The following BRF1 variants were observed in gnomAD, a reference collection of about 807,000 sequenced individuals.
BRF1 encodes the protein BRF1 general transcription factor IIIB subunit.
BRF1 carries 59 observed loss-of-function variants against 81.7 expected under a neutral mutation model. The ratio of observed to expected loss-of-function variants is 0.72; its 90% confidence interval spans 0.59 to 0.90. The LOEUF is 0.90. Among genes scored for constraint, BRF1 ranks in the 40% least tolerant of loss-of-function variants. BRF1 has a pLI of 0.00. For missense variants in BRF1, 1,050 were observed against 936.3 expected, an observed-to-expected ratio of 1.12 and a Z score of -1.58; for synonymous variants, 491 against 395.6, an observed-to-expected ratio of 1.24 and a Z score of -2.86.
Position 105,241,331 on chromosome 14 carries a change from G to A in BRF1, c.628C>T (p.Leu210Phe), listed in dbSNP as rs1198030611. 3 of 1,612,762 alleles carry A rather than the reference G, an allele frequency of 1.9e-6. No individual in the cohort carries two copies. The highest frequency in any genetic ancestry group is 1.7e-6 in the Non-Finnish European group (2 of 1,179,942). The change falls in exon 6 of 18, where the codon CTC becomes TTC. Residue 210 changes from leucine (L) to phenylalanine (F), a missense_variant. Leu to Phe is a conservative substitution (Grantham distance 22). Around this residue, in one of 2 missense-constraint regions of BRF1, gnomAD observed 1,043 missense variants for 915.4 expected, o/e 1.14. Transcript: ENST00000547530. The stretch of plus-strand genomic sequence containing the variant: ...CAGTCCCGCTTCATCCTCTGTAGGA[G>A]CCTCAGGGCAGTCATGGACACCTCG... Reference protein sequence around the residue: ...NHEVSMTALRLLQRMKRDWMH... With the variant: ...NHEVSMTALRFLQRMKRDWMH...
chr14:105,265,608 G>A (rs1305447150), intron 3 of BRF1, among the ~76,000 whole-genome samples: 3 of 152,002 alleles, frequency 2.0e-5, no homozygotes, highest in Non-Finnish European at 4.4e-5. Flanking sequence ...AAAATTAGCT[G>A]GGCATGGGCC....
At chr14:105,258,902 C>A (rs1254649499) in intron 3 of BRF1, among the ~76,000 whole-genome samples, 1 of 152,098 alleles carries the variant, frequency 6.6e-6, no homozygotes, top group Non-Finnish European at 1.5e-5. Context: ...AAATAGCCAA[C>A]AAGCACATGA....
At position 105,315,066 on chromosome 14, in the gene BRF1, C is replaced by A; in HGVS notation, c.-162+256G>T. 8.8e-7 allele frequency: 1 copy of A among 1,134,000 alleles called. No individual in the cohort carries two copies. Among genetic ancestry groups the A allele is most frequent in the Non-Finnish European group, 1.1e-6 (1 of 917,682 alleles). The allele number at this position is 1,134,000 out of a possible 1,614,324, so 70.2% of individuals were successfully genotyped here. A position where few individuals can be genotyped will look rare whatever the true frequency, so the allele number is the denominator to read the frequency against. On this transcript the variant is annotated intron_variant, in intron 1 of 17. Transcript: ENST00000327359. This position sits in a 1 kb window ranked among gnomAD's most constrained non-coding sequence, Gnocchi z 4.4. Reference sequence around the variant, plus strand: ...CGCGCCGCCCGCCGCGCTTTGTTCCCGCCGGGCACCTGCTGGGGGTGTCCT... The same window carrying A: ...CGCGCCGCCCGCCGCGCTTTGTTCCAGCCGGGCACCTGCTGGGGGTGTCCT...
At chr14:105,248,556 G>GGCGGGTACGGGCTCGGGCGGGCGGGT in intron 5 of BRF1, 1 of 827,456 alleles carries the variant, frequency 1.2e-6, no homozygotes, top group African/African-American at 2.1e-5. Context: ...CCGGCGCCGC[G>GGCGGGTACGGGCTCGGGCGGGCGGGT]GCGGGTACGG....
At chr14:105,224,180 C>G (rs1360891184) in intron 10 of BRF1, among the ~76,000 whole-genome samples, 2 of 152,196 alleles carry the variant, frequency 1.3e-5, no homozygotes, top group South Asian at 2.1e-4. Context: ...ATCAGCCTGG[C>G]CAACGTGGCG....
At chr14:105,281,581 T>C (rs587757144) in intron 2 of BRF1, among the ~76,000 whole-genome samples, 2 of 152,202 alleles carry the variant, frequency 1.3e-5, no homozygotes, top group Admixed American at 6.5e-5. Flanking sequence ...TGCGTGATCC[T>C]GATGAGTCGA....
chr14:105,279,283 GGGA>G (rs1191939970), intron 2 of BRF1, among the ~76,000 whole-genome samples: 1 of 152,134 alleles, frequency 6.6e-6, no homozygotes, highest in East Asian at 1.9e-4. Context: ...CTACAGACGT[GGGA>G]GGAGGATTCG....
At chr14:105,303,337 G>A (rs937572851), upstream of BRF1, among the ~76,000 whole-genome samples, 1 of 151,952 alleles carries the variant, frequency 6.6e-6, no homozygotes, top group African/African-American at 2.4e-5. Flanking sequence ...TCCACCTCCC[G>A]GGTTCATGCC....
At chr14:105,266,242 T>C (rs1279168675) in intron 3 of BRF1, among the ~76,000 whole-genome samples, 1 of 151,786 alleles carries the variant, frequency 6.6e-6, no homozygotes, top group Non-Finnish European at 1.5e-5. Context: ...ACCCAGGAGT[T>C]TGAGGCCAGC....
intron 10 of BRF1, among the ~76,000 whole-genome samples, chr14:105,225,200 C>T (rs1251748000): frequency 1.3e-5 from 2 of 152,210 alleles, no homozygotes; most frequent in Non-Finnish European, 2.9e-5. Context: ...GCCTCCCTAC[C>T]TCCTGCCTCT....
intron 10 of BRF1, chr14:105,222,222 A>T: frequency 3.2e-6 from 1 of 315,388 alleles, no homozygotes; most frequent in Non-Finnish European, 5.8e-6. Context: ...CAGAATCCAT[A>T]AAACACTGAT....
At chr14:105,252,442 A>G in intron 5 of BRF1, 65 bp downstream of exon 5, 2 of 1,577,934 alleles carry the variant, frequency 1.3e-6, no homozygotes, top group African/African-American at 1.4e-5. Context: ...TGTTCAAAGG[A>G]CATTTGGCAC....
chr14:105,210,383 C>A lies in BRF1; in HGVS notation c.*168G>T, dbSNP rs1419922860. ...CGGTTTCCCTTGCTGAATAGAAACA[C>A]AATCCCAATGGTAAGTTCCACATGG... On this transcript the variant is annotated 3_prime_UTR_variant, in exon 18 of 18. Coordinates refer to ENST00000547530, the MANE Select transcript of BRF1 (RefSeq NM_001519.4). The surrounding 1 kb of genome is among the most constrained non-coding windows in gnomAD (Gnocchi z 4.7). 1.0e-5 allele frequency: 7 copies of A among 696,526 alleles called. No homozygotes were observed. The South Asian group carries it at 1.1e-4, about 11-fold the overall frequency. 43.1% of individuals were successfully genotyped at this position (696,526 alleles called of 1,614,324 possible).
chr14:105,254,473 G>T (rs587735612), intron 4 of BRF1, among the ~76,000 whole-genome samples: 1 of 152,200 alleles, frequency 6.6e-6, no homozygotes, highest in South Asian at 2.1e-4. Context: ...TAGACAGGAT[G>T]GTCTCGATCT....
At chr14:105,226,488 G>A in intron 8 of BRF1, 146 bp downstream of exon 8, 3 of 1,491,836 alleles carry the variant, frequency 2.0e-6, no homozygotes, top group Non-Finnish European at 2.7e-6. Context: ...GCATCCCGGA[G>A]CCTCGGGCTC....
chr14:105,246,778 A>G, intron 5 of BRF1: 1 of 981,608 alleles, frequency 1.0e-6, no homozygotes, highest in Non-Finnish European at 1.2e-6. Context: ...ATATTTAAAA[A>G]TCAAAGTGCA....
At chr14:105,313,385 C>T (rs1393222091) in intron 1 of BRF1, among the ~76,000 whole-genome samples, 3 of 152,232 alleles carry the variant, frequency 2.0e-5, no homozygotes, top group African/African-American at 7.2e-5. Context: ...CGGCCCTCTG[C>T]CCGCCGAGCA....
At chr14:105,220,265 T>A in intron 11 of BRF1, 135 bp from the exon 12 acceptor site, 1 of 917,864 alleles carries the variant, frequency 1.1e-6, no homozygotes, top group African/African-American at 1.6e-5. Context: ...TCTGCACTGG[T>A]GGGTCGCGCC....
intron 1 of BRF1, chr14:105,314,471 G>A (rs1189130713): frequency 6.7e-6 from 1 of 149,702 alleles, no homozygotes; most frequent in Non-Finnish European, 1.5e-5. Flanking sequence ...GGCGGGGCGG[G>A]GCGCCCCGGG....
Sources: allele counts gnomAD v4.1 joint callset (sites outside exome capture counted in the v4.1 genomes callset), GRCh38; gene constraint gnomAD v4.1.1; regional missense constraint gnomAD v4.1.1; non-coding constraint Gnocchi (gnomAD v3.1); transcripts MANE v1.5; gene names NCBI Gene and HGNC (gene_info 2026-07-23, HGNC 2026-07-21).